THSD4: variants seen among roughly 807,000 people sequenced by gnomAD.
THSD4 encodes thrombospondin type 1 domain containing 4, also known as thrombospondin type-1 domain-containing protein 4.
In THSD4, 69 loss-of-function variants were observed where a neutral mutation model predicts 119.0. The observed-to-expected ratio is 0.58, with a 90% confidence interval of 0.48 to 0.71. The LOEUF is 0.71. Among genes scored for constraint, THSD4 ranks in the 30% least tolerant of loss-of-function variants. The pLI, the probability that THSD4 is intolerant of heterozygous loss-of-function variation, is 0.00. For missense variants in THSD4, 1,393 were observed against 1,391.1 expected, an observed-to-expected ratio of 1.00 and a Z score of -0.02; for synonymous variants, 524 against 540.4, an observed-to-expected ratio of 0.97 and a Z score of 0.42.
chr15:71,276,730 C>T (rs2044594659), intron 6 of THSD4, among the ~76,000 whole-genome samples: 2 of 152,172 alleles, frequency 1.3e-5, no homozygotes. Flanking sequence ...CTACAAATGC[C>T]TGTATGCATT....
chr15:71,253,358 A>G lies in THSD4; in HGVS notation c.913-3255A>G, dbSNP rs2140284938. Among the ~76,000 whole-genome samples the G allele has an allele frequency of 4.6e-5, 7 of 152,288 alleles. No individual in the cohort carries two copies. In the South Asian group the frequency reaches 1.4e-3, roughly 32 times the overall value. On this transcript the variant is annotated intron_variant, in intron 5 of 17. Transcript: ENST00000261862. ...AAGATTATAAACTGCAAAGATGTGC[A>G]AAGTTGGCTAAGGGCTGGTGTATTT...
intron 14 of THSD4, among the ~76,000 whole-genome samples, chr15:71,756,558 G>A (rs544003467): frequency 4.6e-5 from 7 of 152,246 alleles, no homozygotes; most frequent in South Asian, 2.1e-4. Context: ...CGAGGCAGGC[G>A]GATCTCTTGC....
At chr15:71,330,202 T>C (rs2045403605) in intron 6 of THSD4, among the ~76,000 whole-genome samples, 1 of 152,144 alleles carries the variant, frequency 6.6e-6, no homozygotes, top group Admixed American at 6.5e-5. Context: ...GAGGGCCTTG[T>C]GGTCTTGTGG....
At chr15:71,112,433 A>C, upstream of THSD4, 1 of 456,064 alleles carries the variant, frequency 2.2e-6, no homozygotes, top group Non-Finnish European at 3.7e-6. Flanking sequence ...CTGTCCCTTT[A>C]GGAGCTGCCT....
At chr15:71,641,048 T>C (rs1290106836) in intron 7 of THSD4, among the ~76,000 whole-genome samples, 1 of 151,960 alleles carries the variant, frequency 6.6e-6, no homozygotes, top group Admixed American at 6.6e-5. Flanking sequence ...TTTCCCTGAA[T>C]GACTCCGGTG....
intron 7 of THSD4, among the ~76,000 whole-genome samples, chr15:71,613,929 C>G (rs1336882498): frequency 6.6e-6 from 1 of 152,118 alleles, no homozygotes; most frequent in African/African-American, 2.4e-5. Context: ...TGCATGTAGA[C>G]TAGACCATAA....
intron 6 of THSD4, among the ~76,000 whole-genome samples, chr15:71,323,906 CTG>C (rs374972589): frequency 2.0e-5 from 3 of 151,916 alleles, no homozygotes; most frequent in African/African-American, 7.3e-5. Context: ...ATGTATCATT[CTG>C]TGTGTGTGTG....
At chr15:71,515,945 G>A (rs541122290) in intron 7 of THSD4, among the ~76,000 whole-genome samples, 136 of 152,240 alleles carry the variant, frequency 8.9e-4, no homozygotes, top group African/African-American at 3.1e-3. Context: ...CTTGCAAGAG[G>A]ACACATGCTC....
chr15:71,124,339 G>A lies in THSD4; in HGVS notation c.-80+8641G>A, dbSNP rs569945660. ...ATATAATTTTTATATGCCATAAAATGTTCTTTTCTTGATTTTTATTCAATC... is the reference window on the plus strand; with the variant it reads ...ATATAATTTTTATATGCCATAAAATATTCTTTTCTTGATTTTTATTCAATC... On this transcript the variant is annotated intron_variant, in intron 1 of 17. Transcript: ENST00000261862. Among the ~76,000 whole-genome samples, 9 of 152,268 alleles carry A rather than the reference G, an allele frequency of 5.9e-5. No homozygotes were observed. In the South Asian group the frequency reaches 1.9e-3, roughly 32 times the overall value.
intron 7 of THSD4, among the ~76,000 whole-genome samples, chr15:71,593,917 C>CG (rs201655785): frequency 1.4e-4 from 21 of 150,428 alleles, no homozygotes; most frequent in Admixed American, 5.9e-4. Flanking sequence ...TTCCCACCCC[C>CG]CCGGCAAAAA....
chr15:71,688,703 A>ATC (rs201343050), intron 8 of THSD4, among the ~76,000 whole-genome samples: 34 of 85,086 alleles, frequency 4.0e-4, no homozygotes, highest in African/African-American at 1.5e-3. Flanking sequence ...TTTGTTTTGT[A>ATC]TCTCTGTGTG....
intron 3 of THSD4, among the ~76,000 whole-genome samples, chr15:71,195,286 C>T (rs2043709908): frequency 6.6e-6 from 1 of 152,158 alleles, no homozygotes; most frequent in South Asian, 2.1e-4. Flanking sequence ...GGAAGGGCAA[C>T]TCTAGCATAT....
intron 7 of THSD4, among the ~76,000 whole-genome samples, chr15:71,656,864 T>A (rs928224510): frequency 4.6e-5 from 7 of 152,156 alleles, no homozygotes; most frequent in Non-Finnish European, 1.0e-4. Context: ...TCCGAGGACC[T>A]AGAAGATAGT....
intron 3 of THSD4, among the ~76,000 whole-genome samples, chr15:71,200,459 G>T (rs899975364): frequency 1.3e-5 from 2 of 152,124 alleles, no homozygotes; most frequent in African/African-American, 4.8e-5. Context: ...AAGCCTGCTT[G>T]TGGGATTCTC....
chr15:71,548,101 T>G (rs1017505913), intron 7 of THSD4, among the ~76,000 whole-genome samples: 1 of 151,708 alleles, frequency 6.6e-6, no homozygotes, highest in Non-Finnish European at 1.5e-5. Context: ...GGTACAGTTT[T>G]TTTTTTTTTT....
chr15:71,193,064 A>G lies in THSD4; in HGVS notation c.100-21971A>G, dbSNP rs1311216723. Among the ~76,000 whole-genome samples, 5 of 152,198 alleles carry G rather than the reference A, an allele frequency of 3.3e-5. No individual in the cohort carries two copies. The East Asian group carries it at 9.6e-4, about 29-fold the overall frequency. On this transcript the variant is annotated intron_variant, in intron 3 of 17. Transcript: ENST00000261862. ...GGCTGCAAACCGCTGACTGCACAGG[A>G]ATACGAATGACTTCTAGTGGGATGG...
At chr15:71,748,347 C>A in intron 13 of THSD4, 74 bp from the exon 14 acceptor site, 1 of 1,560,076 alleles carries the variant, frequency 6.4e-7, no homozygotes, top group Non-Finnish European at 8.7e-7. Flanking sequence ...ACAAAGGCTG[C>A]GGGCTCCATA....
intron 7 of THSD4, among the ~76,000 whole-genome samples, chr15:71,568,663 C>T (rs753255082): frequency 8.6e-5 from 13 of 150,684 alleles, no homozygotes; most frequent in Non-Finnish European, 1.8e-4. Context: ...CATATGTATA[C>T]ATGTGCCATG....
At chr15:71,300,460 A>G (rs1334166621) in intron 6 of THSD4, among the ~76,000 whole-genome samples, 1 of 152,176 alleles carries the variant, frequency 6.6e-6, no homozygotes, top group Non-Finnish European at 1.5e-5. Context: ...ACAGCTGGGA[A>G]CTTGAGATAG....
Sources: allele counts gnomAD v4.1 joint callset (sites outside exome capture counted in the v4.1 genomes callset), GRCh38; gene constraint gnomAD v4.1.1; transcripts MANE v1.5; gene names NCBI Gene and HGNC (gene_info 2026-07-23, HGNC 2026-07-21).